The following CAMK1D variants were observed in gnomAD, a reference collection of about 807,000 sequenced individuals.
The protein encoded by CAMK1D is calcium/calmodulin dependent protein kinase ID, also known as calcium/calmodulin-dependent protein kinase type 1D.
CAMK1D carries 9 observed loss-of-function variants against 47.7 expected under a neutral mutation model. That is an observed-to-expected ratio of 0.19 (90% CI 0.11 to 0.33). The LOEUF is 0.33. Among genes scored for constraint, CAMK1D ranks in the 10% least tolerant of loss-of-function variants. The pLI is 1.00. For missense variants in CAMK1D, 291 were observed against 488.7 expected, an observed-to-expected ratio of 0.60 and a Z score of 3.81; for synonymous variants, 184 against 184.9, an observed-to-expected ratio of 0.99 and a Z score of 0.04.
intron 1 of CAMK1D, among the ~76,000 whole-genome samples, chr10:12,435,573 G>A (rs1284424238): frequency 1.3e-5 from 2 of 152,174 alleles, no homozygotes; most frequent in Non-Finnish European, 2.9e-5. Flanking sequence ...TGAGTCAGAA[G>A]GTGAGACGTG....
At chr10:12,615,295 T>A (rs974811225) in intron 2 of CAMK1D, among the ~76,000 whole-genome samples, 1 of 152,228 alleles carries the variant, frequency 6.6e-6, no homozygotes, top group Admixed American at 6.5e-5. Flanking sequence ...CGATTAAGAT[T>A]TGTTGCATTT....
intron 2 of CAMK1D, among the ~76,000 whole-genome samples, chr10:12,590,566 A>T (rs1837967280): frequency 6.6e-6 from 1 of 152,154 alleles, no homozygotes; most frequent in African/African-American, 2.4e-5. Flanking sequence ...AGCACCTAGG[A>T]GAGTACTTTA....
In CAMK1D at chr10:12,676,379, G is replaced by A. The variant is rs529828510; in HGVS notation, c.299+9569G>A. On this transcript the variant is annotated intron_variant, in intron 3 of 10. Coordinates refer to ENST00000619168, the MANE Select transcript of CAMK1D (RefSeq NM_153498.4). ...AAATAGCAACTCCCGCCACCACCTC[G>A]TGACACACATACATTAATTCCTTAT... is the stretch of plus-strand genomic sequence containing the variant. 5.3e-5 allele frequency among the ~76,000 whole-genome samples: 8 copies of A among 152,162 alleles called. 1 individual carries two copies. Among genetic ancestry groups the A allele is most frequent in the African/African-American group, 1.4e-4 (6 of 41,498 alleles).
chr10:12,457,980 C>A (rs1833307033), intron 1 of CAMK1D, among the ~76,000 whole-genome samples: 1 of 152,062 alleles, frequency 6.6e-6, no homozygotes. Context: ...TTGTGTTGAC[C>A]TTTGAATCAT....
intron 6 of CAMK1D, among the ~76,000 whole-genome samples, chr10:12,806,864 G>A (rs1044668951): frequency 8.5e-5 from 13 of 152,178 alleles, no homozygotes; most frequent in Admixed American, 7.9e-4. Context: ...GCTTCAATAT[G>A]CCAAGACCGT....
intron 2 of CAMK1D, among the ~76,000 whole-genome samples, chr10:12,589,033 G>GA (rs1837919471): frequency 1.3e-5 from 2 of 151,994 alleles, no homozygotes; most frequent in South Asian, 4.2e-4. Flanking sequence ...ACAGGGTCTT[G>GA]CCCTGTCTCC....
At chr10:12,702,495 A>T (rs1401918088) in intron 3 of CAMK1D, among the ~76,000 whole-genome samples, 1 of 152,194 alleles carries the variant, frequency 6.6e-6, no homozygotes, top group East Asian at 1.9e-4. Context: ...AGGCACACTG[A>T]ACAAACAATG....
At chr10:12,650,764 T>G (rs764757428) in intron 2 of CAMK1D, among the ~76,000 whole-genome samples, 13 of 152,228 alleles carry the variant, frequency 8.5e-5, no homozygotes, top group East Asian at 1.9e-4. Flanking sequence ...AGCAGAGCTT[T>G]CATGTGTTTA....
At chr10:12,731,034 A>G (rs952907020) in intron 3 of CAMK1D, among the ~76,000 whole-genome samples, 1 of 152,092 alleles carries the variant, frequency 6.6e-6, no homozygotes, top group African/African-American at 2.4e-5. Flanking sequence ...TGAGATCAAG[A>G]TAAGGTTTTG....
intron 1 of CAMK1D, among the ~76,000 whole-genome samples, chr10:12,453,138 C>T (rs1177279777): frequency 6.6e-6 from 1 of 151,966 alleles, no homozygotes; most frequent in Non-Finnish European, 1.5e-5. Context: ...TCACTCAGTC[C>T]TCAAGACCCA....
intron 3 of CAMK1D, among the ~76,000 whole-genome samples, chr10:12,682,513 A>G (rs145792715): frequency 0.011 from 1,638 of 152,342 alleles, 18 homozygotes; most frequent in Non-Finnish European, 0.017. Flanking sequence ...TTGGATTAAA[A>G]ATTTACAATT....
intron 1 of CAMK1D, among the ~76,000 whole-genome samples, chr10:12,390,223 GT>G (rs1385313222): frequency 2.0e-5 from 3 of 152,018 alleles, no homozygotes; most frequent in African/African-American, 7.3e-5. Context: ...GAACTATAAA[GT>G]AGTTGTCTCT....
chr10:12,399,026 G>A (rs768282408), intron 1 of CAMK1D, among the ~76,000 whole-genome samples: 1 of 152,196 alleles, frequency 6.6e-6, no homozygotes, highest in Non-Finnish European at 1.5e-5. Context: ...CACAGTTGCT[G>A]CTGTTAGCCT....
chr10:12,401,291 T>C (rs1305542976), intron 1 of CAMK1D, among the ~76,000 whole-genome samples: 3 of 61,676 alleles, frequency 4.9e-5, no homozygotes, highest in African/African-American at 2.0e-4. Context: ...TTTATATATA[T>C]ATAATATATG....
chr10:12,637,120 C>T (rs1839532095), intron 2 of CAMK1D, among the ~76,000 whole-genome samples: 1 of 152,054 alleles, frequency 6.6e-6, no homozygotes, highest in South Asian at 2.1e-4. Context: ...TATAGATGTG[C>T]ACCACCATGC....
chr10:12,728,937 T>A (rs977732030), intron 3 of CAMK1D, among the ~76,000 whole-genome samples: 2 of 152,242 alleles, frequency 1.3e-5, no homozygotes, highest in African/African-American at 2.4e-5. Context: ...TGCAGATCAC[T>A]TCTGAAATGA....
chr10:12,670,553 ATT>A (rs35082652), intron 3 of CAMK1D, among the ~76,000 whole-genome samples: 9 of 147,564 alleles, frequency 6.1e-5, no homozygotes, highest in South Asian at 2.2e-4. Context: ...GTACAATGAA[ATT>A]TTTTTTTTTT....
At chr10:12,469,893 G>A (rs924324838) in intron 1 of CAMK1D, among the ~76,000 whole-genome samples, 6 of 151,672 alleles carry the variant, frequency 4.0e-5, no homozygotes, top group African/African-American at 1.5e-4. Context: ...TCACTTTTTT[G>A]GTGTGTTAGG....
At chr10:12,647,076 T>C (rs915383339) in intron 2 of CAMK1D, among the ~76,000 whole-genome samples, 13 of 147,980 alleles carry the variant, frequency 8.8e-5, no homozygotes, top group African/African-American at 3.2e-4. Context: ...CTCCTGACTT[T>C]GTGATCCGCC....
Sources: gnomAD v4.1 joint callset for allele counts (sites outside exome capture counted in the v4.1 genomes callset) on GRCh38, gnomAD v4.1.1 for gene constraint, MANE v1.5 for transcripts, NCBI Gene and HGNC (gene_info 2026-07-23, HGNC 2026-07-21) for gene names.